Variants in DYNC1I1 observed in about 807,000 individuals in gnomAD.
The protein encoded by DYNC1I1 is dynein cytoplasmic 1 intermediate chain 1, also known as cytoplasmic dynein 1 intermediate chain 1.
Under a neutral mutation model 86.6 loss-of-function variants are expected in DYNC1I1, and 43 were observed. That is an observed-to-expected ratio of 0.50 (90% CI 0.39 to 0.64). DYNC1I1 has a LOEUF of 0.64. Ranked by LOEUF, DYNC1I1 falls within the 30% of genes least tolerant of loss-of-function variation. DYNC1I1 has a pLI of 0.00. For synonymous variants in DYNC1I1, 262 were observed against 283.7 expected (o/e 0.92, Z 0.77); for missense variants, 604 against 788.8 (o/e 0.77, Z 2.81).
intron 7 of DYNC1I1, among the ~76,000 whole-genome samples, chr7:95,981,422 G>A (rs2115663062): frequency 6.6e-6 from 1 of 151,816 alleles, no homozygotes; most frequent in East Asian, 1.9e-4. Flanking sequence ...TGGACCCTAA[G>A]TGAAATTTAT....
chr7:96,076,218 C>A, intron 15 of DYNC1I1, 21 bp downstream of exon 15: 1 of 1,612,874 alleles, frequency 6.2e-7, no homozygotes, highest in Non-Finnish European at 8.5e-7. Flanking sequence ...GCTCAGGCGC[C>A]CGGGCCGGAG....
intron 6 of DYNC1I1, among the ~76,000 whole-genome samples, chr7:95,895,106 G>A (rs1790846837): frequency 6.6e-6 from 1 of 152,154 alleles, no homozygotes; most frequent in Admixed American, 6.5e-5. Flanking sequence ...ACCTAACAGT[G>A]ACCACGACCC....
intron 14 of DYNC1I1, among the ~76,000 whole-genome samples, chr7:96,071,792 A>G (rs887961134): frequency 3.9e-5 from 6 of 152,210 alleles, no homozygotes; most frequent in African/African-American, 1.4e-4. Flanking sequence ...ATTATTTTTA[A>G]ACTGTTTCTA....
intron 6 of DYNC1I1, among the ~76,000 whole-genome samples, chr7:95,885,684 A>C (rs1424392027): frequency 1.3e-5 from 2 of 152,090 alleles, no homozygotes; most frequent in Non-Finnish European, 2.9e-5. Flanking sequence ...ACAGGGTCTC[A>C]CTGTATTGCC....
At chr7:95,841,860 C>T (rs1584270038) in intron 5 of DYNC1I1, among the ~76,000 whole-genome samples, 1 of 152,282 alleles carries the variant, frequency 6.6e-6, no homozygotes, top group South Asian at 2.1e-4. Context: ...TGAGCTTTGT[C>T]ACCTGCTCAC....
At chr7:96,057,807 A>T (rs1049144691) in intron 14 of DYNC1I1, among the ~76,000 whole-genome samples, 2 of 152,188 alleles carry the variant, frequency 1.3e-5, no homozygotes, top group African/African-American at 4.8e-5. Flanking sequence ...TTGACCAATT[A>T]CATATCAATT....
intron 10 of DYNC1I1, among the ~76,000 whole-genome samples, chr7:96,025,198 A>G (rs1036564082): frequency 3.9e-5 from 6 of 152,182 alleles, no homozygotes; most frequent in African/African-American, 1.4e-4. Flanking sequence ...CATCTAAGCA[A>G]TTGAAATCTT....
chr7:96,027,584 G>GA lies in DYNC1I1; in HGVS notation c.970-590dup, dbSNP rs551694304. ...AATTTTCTGAAGTGGGCAGAATTAA[G>GA]ATCAGGAAGAATGCCCATGGGAGGT... On this transcript the variant is annotated intron_variant, in intron 10 of 16. Coordinates refer to ENST00000447467, the MANE Select transcript of DYNC1I1 (RefSeq NM_001135556.2). 4.2e-4 allele frequency among the ~76,000 whole-genome samples: 64 copies of GA among 152,274 alleles called. No individual in the cohort carries two copies. The South Asian group carries it at 0.012, about 28-fold the overall frequency.
At chr7:95,819,501 C>G (rs1275831925) in intron 4 of DYNC1I1, among the ~76,000 whole-genome samples, 1 of 151,950 alleles carries the variant, frequency 6.6e-6, no homozygotes, top group Non-Finnish European at 1.5e-5. Context: ...AAGGACTTGA[C>G]CCATTTGGGT....
intron 14 of DYNC1I1, among the ~76,000 whole-genome samples, chr7:96,065,556 G>T (rs1328020901): frequency 6.6e-6 from 1 of 151,698 alleles, no homozygotes; most frequent in African/African-American, 2.4e-5. Flanking sequence ...TTTTTGGTTT[G>T]TTTGTTTGTT....
At chr7:96,082,348 C>T (rs1790549752) in intron 16 of DYNC1I1, among the ~76,000 whole-genome samples, 1 of 150,878 alleles carries the variant, frequency 6.6e-6, no homozygotes, top group Admixed American at 6.6e-5. Flanking sequence ...TTTTCCTTTC[C>T]TTTGTTTATA....
chr7:95,955,109 G>T (rs543572768), intron 6 of DYNC1I1, among the ~76,000 whole-genome samples: 86 of 152,154 alleles, frequency 5.7e-4, no homozygotes, highest in Non-Finnish European at 2.8e-4. Flanking sequence ...TTTTTATAGG[G>T]ATTTAACATT....
At chr7:96,061,186 A>G (rs1408905367) in intron 14 of DYNC1I1, among the ~76,000 whole-genome samples, 3 of 152,154 alleles carry the variant, frequency 2.0e-5, no homozygotes, top group African/African-American at 7.2e-5. Context: ...AGAGGGTTTT[A>G]ATTAAGGAGC....
At chr7:96,035,126 T>C (rs1477068062) in intron 12 of DYNC1I1, among the ~76,000 whole-genome samples, 1 of 152,220 alleles carries the variant, frequency 6.6e-6, no homozygotes, top group Non-Finnish European at 1.5e-5. Context: ...TGAAATCTAG[T>C]CCCTGTTGAA....
intron 6 of DYNC1I1, among the ~76,000 whole-genome samples, chr7:95,875,797 G>T (rs1468749843): frequency 6.6e-6 from 1 of 152,052 alleles, no homozygotes; most frequent in Non-Finnish European, 1.5e-5. Flanking sequence ...TGTTCTTTTG[G>T]CTTAGTTTGG....
At chr7:95,883,450 C>G (rs1003580953) in intron 6 of DYNC1I1, among the ~76,000 whole-genome samples, 1 of 152,126 alleles carries the variant, frequency 6.6e-6, no homozygotes, top group Non-Finnish European at 1.5e-5. Flanking sequence ...AGAGTTTCTA[C>G]TAATGTATAA....
intron 5 of DYNC1I1, among the ~76,000 whole-genome samples, chr7:95,866,106 C>T (rs1790010776): frequency 6.6e-6 from 1 of 152,192 alleles, no homozygotes; most frequent in Non-Finnish European, 1.5e-5. Flanking sequence ...TGTTGTCTTG[C>T]TCTTCCTCCT....
At position 95,927,256 on chromosome 7, in the gene DYNC1I1, G is replaced by A. The variant is rs1185362755; in HGVS notation, c.491-50256G>A. On this transcript the variant is annotated intron_variant, in intron 6 of 16. Coordinates refer to ENST00000447467, the MANE Select transcript of DYNC1I1 (RefSeq NM_001135556.2). Reference sequence around the variant, plus strand: ...CCTAATATATTATATATACGCACCTGGAAAGTCATCCAACAGATACTTACC... The same window carrying A: ...CCTAATATATTATATATACGCACCTAGAAAGTCATCCAACAGATACTTACC... Among the ~76,000 whole-genome samples the A allele has an allele frequency of 2.6e-5, 4 of 152,060 alleles. No homozygotes were observed. In the East Asian group the frequency reaches 7.7e-4, roughly 29 times the overall value.
At chr7:95,860,313 C>G (rs1789843078) in intron 5 of DYNC1I1, among the ~76,000 whole-genome samples, 1 of 152,144 alleles carries the variant, frequency 6.6e-6, no homozygotes, top group Non-Finnish European at 1.5e-5. Context: ...ATCCAGGAAA[C>G]TGTATCCCAC....
Sources: allele counts gnomAD v4.1 joint callset (sites outside exome capture counted in the v4.1 genomes callset), GRCh38; gene constraint gnomAD v4.1.1; transcripts MANE v1.5; gene names NCBI Gene and HGNC (gene_info 2026-07-23, HGNC 2026-07-21).